RIMS2: variants seen among roughly 807,000 people sequenced by gnomAD.
RIMS2 encodes the protein regulating synaptic membrane exocytosis 2.
Under a neutral mutation model 174.4 loss-of-function variants are expected in RIMS2, and 59 were observed. That is an observed-to-expected ratio of 0.34 (90% CI 0.27 to 0.42). The LOEUF (loss-of-function observed/expected upper bound fraction) is 0.42, where lower values mean the gene tolerates loss of function less well. RIMS2 is among the 10% of genes least tolerant of loss of function. The pLI is 1.00. For synonymous variants in RIMS2, 606 were observed against 572.5 expected (o/e 1.06, Z -0.84); for missense variants, 1,620 against 1,666.3 (o/e 0.97, Z 0.48).
chr8:103,620,680 A>C (rs1290739091), intron 1 of RIMS2, among the ~76,000 whole-genome samples: 2 of 61,462 alleles, frequency 3.3e-5, no homozygotes, highest in African/African-American at 2.1e-4. Context: ...TCATGTGATC[A>C]TCAGGAACTT....
intron 1 of RIMS2, among the ~76,000 whole-genome samples, chr8:103,676,947 C>A (rs2096822833): frequency 6.6e-6 from 1 of 152,022 alleles, no homozygotes; most frequent in African/African-American, 2.4e-5. Context: ...TTGTGCCAGT[C>A]CACTCCAGCC....
rs566829528 is a variant in RIMS2, at chr8:103,790,835, T to G, written c.698+24298T>G. Among the ~76,000 whole-genome samples the G allele has an allele frequency of 3.3e-5, 5 of 152,322 alleles. No individual in the cohort carries two copies. In the South Asian group the frequency reaches 1.0e-3, roughly 32 times the overall value. ...ATACTGTTATGATTTTATGTTTACA[T>G]TGTAAAAAATGGATCTATCCAACAT... On this transcript the variant is annotated intron_variant, in intron 3 of 23. Coordinates refer to ENST00000504942, the Ensembl canonical transcript of RIMS2.
At chr8:103,876,909 T>TATATATATATATATATATATACACAC (rs71297243) in intron 3 of RIMS2, among the ~76,000 whole-genome samples, 1 of 66,110 alleles carries the variant, frequency 1.5e-5, no homozygotes, top group Non-Finnish European at 3.6e-5. Flanking sequence ...TATATATATA[T>TATATATATATATATATATATACACAC]ACACACACAC....
At chr8:103,942,174 G>A (rs779322884) in intron 13 of RIMS2, among the ~76,000 whole-genome samples, 14 of 152,024 alleles carry the variant, frequency 9.2e-5, no homozygotes, top group Admixed American at 5.9e-4. Context: ...GCCCCAGTAC[G>A]TGTTATTTGC....
intron 3 of RIMS2, among the ~76,000 whole-genome samples, chr8:103,803,639 G>A (rs1237085839): frequency 6.6e-6 from 1 of 152,158 alleles, no homozygotes; most frequent in Non-Finnish European, 1.5e-5. Flanking sequence ...GTAGAGTATG[G>A]CAAAGATGTT....
At chr8:104,023,288 CT>C (rs77488661) in intron 19 of RIMS2, among the ~76,000 whole-genome samples, 19,574 of 145,242 alleles carry the variant, frequency 0.13, 1,698 homozygotes, top group Non-Finnish European at 0.2. Flanking sequence ...CACAATACCA[CT>C]TTTTTTTTTT....
chr8:104,166,119 T>G (rs1264124238), intron 19 of RIMS2, among the ~76,000 whole-genome samples: 1 of 142,496 alleles, frequency 7.0e-6, no homozygotes, highest in Non-Finnish European at 1.5e-5. Context: ...CAGGCTGGAG[T>G]GCAGTGGCGT....
At chr8:104,204,507 T>A (rs2137217335) in intron 19 of RIMS2, among the ~76,000 whole-genome samples, 1 of 152,280 alleles carries the variant, frequency 6.6e-6, no homozygotes, top group Non-Finnish European at 1.5e-5. Flanking sequence ...TGGTGTTAAA[T>A]TTCTATGGAC....
At chr8:104,068,022 G>A (rs2097134593) in intron 19 of RIMS2, among the ~76,000 whole-genome samples, 1 of 152,072 alleles carries the variant, frequency 6.6e-6, no homozygotes, top group Admixed American at 6.5e-5. Context: ...CTGATAATTG[G>A]ATTCACACAT....
chr8:103,971,041 C>A (rs967777914), intron 15 of RIMS2, among the ~76,000 whole-genome samples: 3 of 152,034 alleles, frequency 2.0e-5, no homozygotes, highest in African/African-American at 4.8e-5. Flanking sequence ...GTATACTGAG[C>A]AACAGGAATG....
At chr8:104,214,298 G>A (rs996257251) in intron 19 of RIMS2, among the ~76,000 whole-genome samples, 3 of 152,126 alleles carry the variant, frequency 2.0e-5, no homozygotes, top group Non-Finnish European at 2.9e-5. Context: ...CTTGTTAGAC[G>A]TGAGCCACTC....
chr8:103,979,456 T>A (rs1596293385), intron 16 of RIMS2, among the ~76,000 whole-genome samples: 1 of 152,178 alleles, frequency 6.6e-6, no homozygotes, highest in East Asian at 1.9e-4. Flanking sequence ...ACCATATGAT[T>A]CAGCAGTTCC....
At chr8:103,687,737 C>T (rs1450692283) in intron 1 of RIMS2, among the ~76,000 whole-genome samples, 2 of 152,098 alleles carry the variant, frequency 1.3e-5, no homozygotes, top group African/African-American at 2.4e-5. Flanking sequence ...TTTAAGATTT[C>T]ACATGTAAAT....
chr8:104,055,971 A>C (rs574427164), intron 19 of RIMS2, among the ~76,000 whole-genome samples: 1 of 152,194 alleles, frequency 6.6e-6, no homozygotes, highest in South Asian at 2.1e-4. Context: ...CTGCACACAT[A>C]CGAACATTTT....
At chr8:103,983,966 G>T (rs2094139830) in intron 16 of RIMS2, among the ~76,000 whole-genome samples, 1 of 152,100 alleles carries the variant, frequency 6.6e-6, no homozygotes, top group East Asian at 1.9e-4. Flanking sequence ...GAGGTCAGGA[G>T]ATCGAGACCA....
intron 14 of RIMS2, among the ~76,000 whole-genome samples, chr8:103,952,321 C>T (rs1478404763): frequency 1.3e-5 from 2 of 152,206 alleles, no homozygotes; most frequent in African/African-American, 2.4e-5. Flanking sequence ...CTAGGAGACA[C>T]CTCCCAGTAG....
At chr8:104,108,705 G>A (rs891587299) in intron 19 of RIMS2, among the ~76,000 whole-genome samples, 4 of 152,106 alleles carry the variant, frequency 2.6e-5, no homozygotes, top group African/African-American at 9.7e-5. Flanking sequence ...AAGAAAATTT[G>A]TAGAATTAGT....
chr8:103,553,453 G>A lies in RIMS2; in HGVS notation c.176+52391G>A, dbSNP rs902574863. Among the ~76,000 whole-genome samples, 25 of 152,008 alleles carry A rather than the reference G, an allele frequency of 1.6e-4. No homozygotes were observed. In the East Asian group the frequency reaches 4.4e-3, roughly 27 times the overall value. ...AAACACTGGGACCTGTCATGGGGTG[G>A]GGGAAGGAGGGGAGGGATAGCATTA... is the stretch of plus-strand genomic sequence containing the variant. On this transcript the variant is annotated intron_variant, in intron 1 of 23. Coordinates refer to ENST00000504942, the Ensembl canonical transcript of RIMS2.
At chr8:103,936,037 G>C (rs1195525857) in intron 12 of RIMS2, among the ~76,000 whole-genome samples, 1 of 152,040 alleles carries the variant, frequency 6.6e-6, no homozygotes, top group Non-Finnish European at 1.5e-5. Flanking sequence ...AAATAAATAT[G>C]AATTTCTTAT....
Sources: allele counts gnomAD v4.1 joint callset (sites outside exome capture counted in the v4.1 genomes callset), GRCh38; gene constraint gnomAD v4.1.1; transcripts MANE v1.5; gene names NCBI Gene and HGNC (gene_info 2026-07-23, HGNC 2026-07-21).